Variants in FAM120AOS observed in about 807,000 individuals in gnomAD.
The protein encoded by FAM120AOS is uncharacterized protein FAM120AOS.
Under a neutral mutation model 20.2 loss-of-function variants are expected in FAM120AOS, and 15 were observed. The ratio of observed to expected loss-of-function variants is 0.74; its 90% CI spans 0.50 to 1.15. The LOEUF (loss-of-function observed/expected upper bound fraction) is 1.15, where lower values mean the gene tolerates loss of function less well. Ranked by LOEUF, FAM120AOS falls within the 50% of genes most tolerant of loss-of-function variation. The pLI is 0.00. For missense variants in FAM120AOS, 327 were observed against 351.9 expected (o/e 0.93, Z 0.57); for synonymous variants, 154 against 154.0 (o/e 1.00, Z 0.00).
At chr9:93,451,317 C>CAA (rs1161056741) in intron 1 of FAM120AOS, 18 of 1,446,322 alleles carry the variant, frequency 1.2e-5, no homozygotes, top group African/African-American at 1.4e-5. Flanking sequence ...AGCAGGCGAG[C>CAA]TCTTCCCCAG....
At position 93,452,147 on chromosome 9, in the gene FAM120AOS, C is replaced by A; in HGVS notation, c.563G>T (p.Arg188Ile). The A allele has an allele frequency of 6.2e-7, 1 of 1,611,872 alleles. No individual in the cohort carries two copies. The highest frequency in any genetic ancestry group is 2.2e-5 in the East Asian group (1 of 44,864). Residue 188 changes from arginine (R) to isoleucine (I), a missense_variant and splice_region_variant, in exon 1 of 3, where the codon AGA becomes ATA. Physicochemically the swap from Arg to Ile is moderately conservative, Grantham distance 97. This residue lies in a region of FAM120AOS where 86 missense variants were observed against 82.9 expected (regional missense o/e 1.04). Transcript: ENST00000375412. This position sits in a 1 kb window ranked among gnomAD's most constrained non-coding sequence, Gnocchi z 7.0. ...PPKQALASAA[R>I]NLCRGAGCNR... ...CCAGTGGAACCACATGCTTGGCTAC[C>A]TGGCGGCGCTGGCCAAGGCCTGCTT...
chr9:93,447,525 G>C lies in FAM120AOS; in HGVS notation c.*86C>G. 4.2e-6 allele frequency: 5 copies of C among 1,193,988 alleles called. No individual in the cohort carries two copies. Among genetic ancestry groups the C allele is most frequent in the Non-Finnish European group, 6.2e-6 (5 of 812,054 alleles). The allele number at this position is 1,193,988 out of a possible 1,614,324, so 74.0% of individuals were successfully genotyped here. A position where few individuals can be genotyped will look rare whatever the true frequency, so the allele number is the denominator to read the frequency against. On this transcript the variant is annotated 3_prime_UTR_variant, in exon 3 of 3. Coordinates refer to ENST00000375412, the MANE Select transcript of FAM120AOS (RefSeq NM_198841.4). ...AACCAGAAGCAGAAGCTGAGGAATG[G>C]TGAATAGAGCATTTTCCCTCACACG...
rs960392641 is a variant in FAM120AOS at position 93,451,324 on chromosome 9, C to T, written c.564-725G>A. ...CCCTCAGGAGCAGGCGAGCTCTTCC[C>T]CAGGACCTGCTTCGCGGCTTCCCTT... On this transcript the variant is annotated intron_variant, in intron 1 of 2. Transcript: ENST00000375412. 7 of 1,439,100 alleles carry T rather than the reference C, an allele frequency of 4.9e-6. No homozygotes were observed. In the African/African-American group the frequency reaches 8.6e-5, roughly 18 times the overall value. 89.1% of individuals were successfully genotyped at this position (1,439,100 alleles called of 1,614,324 possible). A position where few individuals can be genotyped will look rare whatever the true frequency, so the allele number is the denominator to read the frequency against.
intron 1 of FAM120AOS, 42 bp from the exon 2 acceptor site, chr9:93,450,641 G>C: frequency 1.2e-6 from 2 of 1,608,142 alleles, no homozygotes; most frequent in Non-Finnish European, 1.7e-6. Flanking sequence ...GTAAGTAAAA[G>C]CGGCACTTTA....
At position 93,453,285 on chromosome 9, in the gene FAM120AOS, C is replaced by T. The variant is rs1564300605; in HGVS notation, c.-576G>A. The stretch of plus-strand genomic sequence containing the variant: ...GCTCTATATCACCGGCCTCCTCTGG[C>T]CCTTTGGCAGAGGGCTTCGCAGCTG... On this transcript the variant is annotated 5_prime_UTR_variant, in exon 1 of 3. Transcript: ENST00000375412. 1.0e-6 allele frequency: 1 copy of T among 987,556 alleles called. No individual in the cohort carries two copies. The highest frequency in any genetic ancestry group is 1.2e-6 in the Non-Finnish European group (1 of 831,460). 61.2% of individuals were successfully genotyped at this position (987,556 alleles called of 1,614,324 possible).
intron 1 of FAM120AOS, chr9:93,451,059 C>A: frequency 6.4e-7 from 1 of 1,550,634 alleles, no homozygotes. Context: ...AAACCACAAC[C>A]GAGAGCCCGA....
At position 93,450,991 on chromosome 9, in the gene FAM120AOS, C is replaced by A. The variant is rs41274390; in HGVS notation, c.564-392G>T. ...TTCCGTGACGAGCAGGCGCTTAGGG[C>A]TACCTGTACCTTCAGACATTATGGT... is the stretch of plus-strand genomic sequence containing the variant. On this transcript the variant is annotated intron_variant, in intron 1 of 2. Coordinates refer to ENST00000375412, the MANE Select transcript of FAM120AOS (RefSeq NM_198841.4). 1.5e-3 allele frequency: 2,330 copies of A among 1,528,760 alleles called. 5 individuals carry two copies. Among genetic ancestry groups the A allele is most frequent in the South Asian group, 3.9e-3 (328 of 83,632 alleles). The allele number at this position is 1,528,760 out of a possible 1,614,324, so 94.7% of individuals were successfully genotyped here.
At position 93,445,762 on chromosome 9, in the gene FAM120AOS, A is replaced by AT. The variant is rs1013955347; in HGVS notation, c.*1848dup. Among the ~76,000 whole-genome samples, 5 of 151,764 alleles carry AT rather than the reference A, an allele frequency of 3.3e-5. No individual in the cohort carries two copies. The highest frequency in any genetic ancestry group is 1.9e-4 in the East Asian group (1 of 5,174). ...CACACCTCACCTGGCTAATTTTTGG[A>AT]TTTTTTGTAGACAATGGGTTTCATC... On this transcript the variant is annotated 3_prime_UTR_variant, in exon 3 of 3. Coordinates refer to ENST00000375412, the MANE Select transcript of FAM120AOS (RefSeq NM_198841.4).
rs927093798 is a variant in FAM120AOS, at chr9:93,452,750, G to T, written c.-41C>A. The T allele has an allele frequency of 1.9e-6, 3 of 1,596,868 alleles. No individual in the cohort carries two copies. Among genetic ancestry groups the T allele is most frequent in the Admixed American group, 1.7e-5 (1 of 59,470 alleles). On this transcript the variant is annotated 5_prime_UTR_variant, in exon 1 of 3. Transcript: ENST00000375412. This position sits in a 1 kb window ranked among gnomAD's most constrained non-coding sequence, Gnocchi z 7.0. ...CAGGCTATCACTCACCTTCAACTTT[G>T]ACAAAATACTCCCTTTTCTAATTTA... is the stretch of plus-strand genomic sequence containing the variant.
At chr9:93,451,167 C>T (rs555732327) in intron 1 of FAM120AOS, 3 of 1,550,000 alleles carry the variant, frequency 1.9e-6, no homozygotes, top group South Asian at 1.2e-5. Flanking sequence ...CCCGCTCTCC[C>T]GGACCCCGCA....
In FAM120AOS at chr9:93,453,114, A is replaced by G. The variant is rs2131173042; in HGVS notation, c.-405T>C. ...TCCGTGTGAAAGAGGTCTTTAAGGC[A>G]GTTCGGTTTTGTAGATCCCATGCGA... On this transcript the variant is annotated 5_prime_UTR_variant, in exon 1 of 3. Transcript: ENST00000375412. The G allele has an allele frequency of 9.8e-7, 1 of 1,020,502 alleles. No homozygotes were observed. Among genetic ancestry groups the G allele is most frequent in the South Asian group, 3.7e-5 (1 of 27,070 alleles). The allele number at this position is 1,020,502 out of a possible 1,614,324, so 63.2% of individuals were successfully genotyped here. A position where few individuals can be genotyped will look rare whatever the true frequency, so the allele number is the denominator to read the frequency against.
rs965541505 is a variant in FAM120AOS at position 93,444,965 on chromosome 9, C to A, written c.*2646G>T. On this transcript the variant is annotated 3_prime_UTR_variant, in exon 3 of 3. Coordinates refer to ENST00000375412, the MANE Select transcript of FAM120AOS (RefSeq NM_198841.4). ...TGTGAGAAGATGTAGATATTGGCTT[C>A]ATAATAATAAAGTGAATTTGTGGTA... Among the ~76,000 whole-genome samples, 1 of 151,980 alleles carries A rather than the reference C, an allele frequency of 6.6e-6. No individual in the cohort carries two copies. The highest frequency in any genetic ancestry group is 2.4e-5 in the African/African-American group (1 of 41,354).
chr9:93,451,181 A>C, intron 1 of FAM120AOS: 1 of 1,549,666 alleles, frequency 6.5e-7, no homozygotes, highest in Non-Finnish European at 8.7e-7. Flanking sequence ...CCCCGCAGTC[A>C]GTGTGGGCAG....
chr9:93,449,785 C>T (rs771163349), intron 2 of FAM120AOS, among the ~76,000 whole-genome samples: 4 of 151,846 alleles, frequency 2.6e-5, no homozygotes, highest in African/African-American at 7.3e-5. Flanking sequence ...CACGCCCGGC[C>T]GCACTAATGC....
Position 93,452,897 on chromosome 9 carries a change from A to G in FAM120AOS, c.-188T>C, listed in dbSNP as rs1857338010. On this transcript the variant is annotated 5_prime_UTR_variant, in exon 1 of 3. Transcript: ENST00000375412. This position sits in a 1 kb window ranked among gnomAD's most constrained non-coding sequence, Gnocchi z 7.0. The stretch of plus-strand genomic sequence containing the variant: ...AGTGCTGCTGCCGCCGCCCTTGCCA[A>G]TGTTGTTAGCCCGGTGACAGCGAGA... The G allele has an allele frequency of 3.5e-6, 5 of 1,438,686 alleles. No homozygotes were observed. Among genetic ancestry groups the G allele is most frequent in the South Asian group, 3.0e-5 (2 of 67,528 alleles). The allele number at this position is 1,438,686 out of a possible 1,614,324, so 89.1% of individuals were successfully genotyped here.
At position 93,452,102 on chromosome 9, in the gene FAM120AOS, A is replaced by G; in HGVS notation, c.563+45T>C. 1 of 1,609,790 alleles carries G rather than the reference A, an allele frequency of 6.2e-7. No homozygotes were observed. Among genetic ancestry groups the G allele is most frequent in the Non-Finnish European group, 8.5e-7 (1 of 1,179,204 alleles). The stretch of plus-strand genomic sequence containing the variant: ...GCACCGCCTCTACGGCGGCTTCTAC[A>G]CCGACTGGGTCAGCGGCGGCCAGTG... On this transcript the variant is annotated intron_variant, in intron 1 of 2. Transcript: ENST00000375412. The surrounding 1 kb of genome is among the most constrained non-coding windows in gnomAD (Gnocchi z 7.0).
intron 2 of FAM120AOS, among the ~76,000 whole-genome samples, chr9:93,450,152 C>A (rs1352247176): frequency 1.8e-4 from 28 of 152,054 alleles, no homozygotes; most frequent in Admixed American, 1.8e-3. Context: ...CCAGGCCCGC[C>A]TAATTTTTGC....
rs1856775298 is a variant in FAM120AOS, at chr9:93,444,088, T to C, written c.*3523A>G. On this transcript the variant is annotated 3_prime_UTR_variant, in exon 3 of 3. Transcript: ENST00000375412. Reference sequence around the variant, plus strand: ...GGAGTTTTGCTCTTGCTGTCCAGGCTGGAGTGCAATGGCGCGATCTCGGCT... The same window carrying C: ...GGAGTTTTGCTCTTGCTGTCCAGGCCGGAGTGCAATGGCGCGATCTCGGCT... Among the ~76,000 whole-genome samples, 1 of 152,234 alleles carries C rather than the reference T, an allele frequency of 6.6e-6. No homozygotes were observed. The highest frequency in any genetic ancestry group is 6.5e-5 in the Admixed American group (1 of 15,284).
chr9:93,451,384 T>G (rs1857175648), intron 1 of FAM120AOS: 1 of 1,401,586 alleles, frequency 7.1e-7, no homozygotes, highest in Non-Finnish European at 9.3e-7. Context: ...CGGCGGCCTC[T>G]CTGGCCCTGC....
Sources: allele counts gnomAD v4.1 joint callset (sites outside exome capture counted in the v4.1 genomes callset), GRCh38; gene constraint gnomAD v4.1.1; regional missense constraint gnomAD v4.1.1; non-coding constraint Gnocchi (gnomAD v3.1); transcripts MANE v1.5; gene names NCBI Gene and HGNC (gene_info 2026-07-23, HGNC 2026-07-21).